The following OR1L8 variants were observed in gnomAD, a reference collection of about 807,000 sequenced individuals.
OR1L8 encodes the protein olfactory receptor 1L8.
For missense variants in OR1L8, 330 were observed against 377.4 expected (o/e 0.87, Z 1.04); for synonymous variants, 148 against 147.0 (o/e 1.01, Z -0.05).
chr9:122,561,529 A>T, the OR1L8 span, among the ~76,000 whole-genome samples: 1 of 151,514 alleles, frequency 6.6e-6, no homozygotes, highest in Non-Finnish European at 1.5e-5. Flanking sequence ...TTTTGTGGGG[A>T]CGTTTTTTGT....
chr9:122,567,754 A>T lies in OR1L8; in HGVS notation c.724T>A (p.Cys242Ser), dbSNP rs745411987. ...GTCACCACGGTGAGGTAAAAACCAC[A>T]GGTGGAGAAGGCTTTGCGTTTCCCA... ...TSGKRKAFST[C>S]GFYLTVVTLF... Residue 242 changes from cysteine (C) to serine (S), a missense_variant, in exon 5 of 5, where the codon TGT becomes AGT. Cys to Ser is a moderately radical substitution (Grantham distance 112). Coordinates refer to ENST00000641027, the MANE Select transcript of OR1L8 (RefSeq NM_001004454.2). 8 of 1,613,990 alleles carry T rather than the reference A, an allele frequency of 5.0e-6. No homozygotes were observed. Among genetic ancestry groups the T allele is most frequent in the African/African-American group, 1.3e-5 (1 of 74,918 alleles).
intron 4 of OR1L8, among the ~76,000 whole-genome samples, chr9:122,571,054 G>A (rs1398094396): frequency 2.0e-5 from 3 of 152,090 alleles, no homozygotes; most frequent in Non-Finnish European, 4.4e-5. Context: ...TCGTGCATTG[G>A]TGCTATGTTT....
intron 3 of OR1L8, among the ~76,000 whole-genome samples, chr9:122,573,459 T>C (rs1829588474): frequency 1.3e-5 from 2 of 152,242 alleles, no homozygotes; most frequent in Non-Finnish European, 2.9e-5. Flanking sequence ...TACAGTGGTA[T>C]GTCATTGTTG....
chr9:122,574,704 A>G (rs1397336157), intron 3 of OR1L8, among the ~76,000 whole-genome samples: 1 of 152,070 alleles, frequency 6.6e-6, no homozygotes, highest in Non-Finnish European at 1.5e-5. Context: ...TTATTGCATT[A>G]GGTAGGATTT....
intron 3 of OR1L8, among the ~76,000 whole-genome samples, chr9:122,575,721 A>G (rs1393625170): frequency 1.3e-5 from 2 of 152,202 alleles, no homozygotes; most frequent in Non-Finnish European, 2.9e-5. Context: ...GAAGCAGATT[A>G]ACATATCTAT....
the OR1L8 span, among the ~76,000 whole-genome samples, chr9:122,549,743 A>G: frequency 6.6e-6 from 1 of 152,086 alleles, no homozygotes. Context: ...TACTAGTACC[A>G]TGTTGTTTTG....
intron 2 of OR1L8, among the ~76,000 whole-genome samples, chr9:122,577,698 C>T (rs1829681689): frequency 6.6e-6 from 1 of 152,130 alleles, no homozygotes; most frequent in Non-Finnish European, 1.5e-5. Flanking sequence ...TAAAGTATCA[C>T]AATAACTCTG....
the OR1L8 span, among the ~76,000 whole-genome samples, chr9:122,558,113 G>A: frequency 6.6e-6 from 1 of 151,488 alleles, no homozygotes; most frequent in Admixed American, 6.6e-5. Flanking sequence ...TCCTTAGTTA[G>A]ACTTATTAAT....
downstream of OR1L8, among the ~76,000 whole-genome samples, chr9:122,562,956 T>TTGTAAATAGTGC (rs1422549176): frequency 6.6e-6 from 1 of 152,244 alleles, no homozygotes; most frequent in Non-Finnish European, 1.5e-5. Flanking sequence ...ATCTTGGCTG[T>TTGTAAATAGTGC]TGTAAATAGT....
At chr9:122,548,442 G>A in the OR1L8 span, among the ~76,000 whole-genome samples, 1 of 152,122 alleles carries the variant, frequency 6.6e-6, no homozygotes, top group African/African-American at 2.4e-5. Context: ...ACAGAAAACA[G>A]GCCAGAGCAA....
the OR1L8 span, among the ~76,000 whole-genome samples, chr9:122,551,945 T>C: frequency 6.6e-6 from 1 of 151,050 alleles, no homozygotes; most frequent in Non-Finnish European, 1.5e-5. Flanking sequence ...TATTATGAAT[T>C]ATCCATCCAA....
chr9:122,556,958 T>C, the OR1L8 span, among the ~76,000 whole-genome samples: 1 of 152,198 alleles, frequency 6.6e-6, no homozygotes, highest in African/African-American at 2.4e-5. Context: ...CATATTAATC[T>C]TGTATATAGA....
rs35613435 is a variant in OR1L8 at position 122,572,792 on chromosome 9, C to G, written c.-225G>C. ...CACTGAAGCTCACCTCTGTATCCAG[C>G]GTTTTTCCTTTGCTTCCATGTGTCT... is the stretch of plus-strand genomic sequence containing the variant. On this transcript the variant is annotated 5_prime_UTR_variant, in exon 4 of 5. Transcript: ENST00000641027. 13,537 of 152,204 alleles carry G rather than the reference C, an allele frequency of 0.089. 699 individuals are homozygous for G. Among genetic ancestry groups the G allele is most frequent in the Middle Eastern group, 0.13 (39 of 294 alleles). The allele number at this position is 152,204 out of a possible 1,614,324, so 9.4% of individuals were successfully genotyped here.
chr9:122,549,549 A>T, the OR1L8 span, among the ~76,000 whole-genome samples: 1 of 152,220 alleles, frequency 6.6e-6, no homozygotes, highest in African/African-American at 2.4e-5. Flanking sequence ...TATGGTGAGA[A>T]ATATGGGTCC....
At chr9:122,563,085 G>A (rs543203277), downstream of OR1L8, among the ~76,000 whole-genome samples, 9 of 151,972 alleles carry the variant, frequency 5.9e-5, no homozygotes, top group Non-Finnish European at 1.0e-4. Flanking sequence ...ATTTTTTGAG[G>A]AATCTTGACA....
chr9:122,564,908 C>T (rs1161609566), downstream of OR1L8, among the ~76,000 whole-genome samples: 1 of 152,176 alleles, frequency 6.6e-6, no homozygotes, highest in Non-Finnish European at 1.5e-5. Context: ...CTTGTCCTTC[C>T]ACAAGATGCC....
chr9:122,580,855 C>T (rs1210851452), intron 1 of OR1L8, among the ~76,000 whole-genome samples: 2 of 147,748 alleles, frequency 1.4e-5, no homozygotes, highest in Non-Finnish European at 3.0e-5. Flanking sequence ...AATAAAACTA[C>T]TAAAAAGTGT....
At chr9:122,580,818 T>C (rs1181321027) in intron 1 of OR1L8, among the ~76,000 whole-genome samples, 1 of 152,102 alleles carries the variant, frequency 6.6e-6, no homozygotes. Context: ...ACTTTTGTTC[T>C]AGGCTGAAGC....
At chr9:122,573,260 G>A (rs1829584817) in intron 3 of OR1L8, among the ~76,000 whole-genome samples, 1 of 152,234 alleles carries the variant, frequency 6.6e-6, no homozygotes, top group African/African-American at 2.4e-5. Flanking sequence ...CTGACTCCAA[G>A]GAGACAGGGA....
Sources: gnomAD v4.1 joint callset for allele counts (sites outside exome capture counted in the v4.1 genomes callset) on GRCh38, gnomAD v4.1.1 for gene constraint, MANE v1.5 for transcripts, NCBI Gene and HGNC (gene_info 2026-07-23, HGNC 2026-07-21) for gene names.